The following HDAC9 variants were observed in gnomAD, a reference collection of about 807,000 sequenced individuals.
HDAC9 encodes the protein histone deacetylase 9, also known as MEF-2 interacting transcription repressor (MITR) protein.
Under a neutral mutation model 139.4 loss-of-function variants are expected in HDAC9, and 41 were observed. The observed-to-expected ratio is 0.29, with a 90% CI of 0.23 to 0.38. The LOEUF (loss-of-function observed/expected upper bound fraction) is 0.38, where lower values mean the gene tolerates loss of function less well. HDAC9 is among the 10% of genes least tolerant of loss of function. The pLI, the probability that HDAC9 is intolerant of heterozygous loss-of-function variation, is 1.00. For missense variants in HDAC9, 1,147 were observed against 1,297.0 expected (o/e 0.88, Z 1.78); for synonymous variants, 517 against 476.2 (o/e 1.09, Z -1.12).
intron 2 of HDAC9, among the ~76,000 whole-genome samples, chr7:18,574,432 G>C (rs559700857): frequency 1.3e-5 from 2 of 152,348 alleles, no homozygotes; most frequent in Admixed American, 6.5e-5. Context: ...TCCATGGACG[G>C]CCATGGGTGG....
intron 12 of HDAC9, among the ~76,000 whole-genome samples, chr7:18,722,050 T>C (rs1308709515): frequency 6.6e-6 from 1 of 152,208 alleles, no homozygotes; most frequent in Non-Finnish European, 1.5e-5. Context: ...TCTGTCAAAG[T>C]AATTACATGA....
intron 12 of HDAC9, among the ~76,000 whole-genome samples, chr7:18,682,853 C>T (rs367964102): frequency 2.6e-5 from 4 of 151,656 alleles, no homozygotes; most frequent in African/African-American, 9.7e-5. Context: ...TGGTGGTGGG[C>T]GCCTGTGATC....
intron 24 of HDAC9, among the ~76,000 whole-genome samples, chr7:18,968,097 G>A (rs1783998048): frequency 1.3e-5 from 2 of 152,122 alleles, no homozygotes; most frequent in South Asian, 4.1e-4. Flanking sequence ...GGGAGGCGGA[G>A]GATGCAGAGA....
chr7:18,578,115 A>G, intron 2 of HDAC9: 1 of 518,870 alleles, frequency 1.9e-6, no homozygotes, highest in South Asian at 1.4e-5. Flanking sequence ...CAGACCTAGC[A>G]GCTGCAGGGA....
At chr7:18,900,806 C>G (rs951992812) in intron 22 of HDAC9, among the ~76,000 whole-genome samples, 1 of 152,094 alleles carries the variant, frequency 6.6e-6, no homozygotes, top group Non-Finnish European at 1.5e-5. Flanking sequence ...AATACCACCC[C>G]TACCCTGGGA....
chr7:18,644,467 C>A (rs1403870532), intron 8 of HDAC9, among the ~76,000 whole-genome samples: 1 of 151,782 alleles, frequency 6.6e-6, no homozygotes, highest in Non-Finnish European at 1.5e-5. Flanking sequence ...AACATAGATG[C>A]CTTTTATTCA....
At chr7:18,111,472 G>C (rs573105399) in intron 1 of HDAC9, among the ~76,000 whole-genome samples, 109 of 152,280 alleles carry the variant, frequency 7.2e-4, no homozygotes, top group African/African-American at 2.5e-3. Flanking sequence ...CGGTATCTGT[G>C]GTGGATTGGT....
chr7:18,550,135 T>G (rs1376621202), intron 2 of HDAC9, among the ~76,000 whole-genome samples: 2 of 152,240 alleles, frequency 1.3e-5, no homozygotes, highest in Admixed American at 1.3e-4. Context: ...TATCTCATTC[T>G]TTATAACTCA....
chr7:18,267,394 T>C (rs1364031135), intron 2 of HDAC9, among the ~76,000 whole-genome samples: 1 of 152,134 alleles, frequency 6.6e-6, no homozygotes, highest in African/African-American at 2.4e-5. Flanking sequence ...CTTGAACTTA[T>C]TCCTCCTATC....
chr7:18,590,248 C>G, intron 3 of HDAC9, 88 bp from the exon 4 acceptor site: 1 of 1,370,508 alleles, frequency 7.3e-7, no homozygotes, highest in African/African-American at 1.5e-5. Flanking sequence ...AAACAAGTTC[C>G]AAAAGCTCAT....
chr7:18,605,828 C>T (rs1487305592), intron 6 of HDAC9, among the ~76,000 whole-genome samples: 1 of 152,038 alleles, frequency 6.6e-6, no homozygotes, highest in African/African-American at 2.4e-5. Context: ...CTACAGGCGC[C>T]CTCCACCATG....
intron 22 of HDAC9, among the ~76,000 whole-genome samples, chr7:18,878,223 C>G (rs572207052): frequency 2.0e-5 from 3 of 152,028 alleles, no homozygotes; most frequent in Non-Finnish European, 4.4e-5. Context: ...GGTTTAAATT[C>G]GTTTTGCCAC....
intron 2 of HDAC9, among the ~76,000 whole-genome samples, chr7:18,232,716 T>C (rs1295488274): frequency 6.6e-6 from 1 of 152,210 alleles, no homozygotes; most frequent in Non-Finnish European, 1.5e-5. Context: ...ATTACAATAA[T>C]GGTTTGCATG....
At chr7:18,581,004 G>A (rs1312399150) in intron 2 of HDAC9, among the ~76,000 whole-genome samples, 2 of 152,102 alleles carry the variant, frequency 1.3e-5, no homozygotes, top group Non-Finnish European at 2.9e-5. Flanking sequence ...TGCAATTAAT[G>A]TTAAAAATAG....
chr7:18,981,663 C>A (rs1341762821), intron 25 of HDAC9, among the ~76,000 whole-genome samples: 1 of 152,154 alleles, frequency 6.6e-6, no homozygotes, highest in Non-Finnish European at 1.5e-5. Context: ...TCATATCTCT[C>A]TCTGCCTTCA....
intron 11 of HDAC9, among the ~76,000 whole-genome samples, chr7:18,664,470 A>C (rs1258664633): frequency 1.3e-5 from 2 of 152,070 alleles, no homozygotes; most frequent in Non-Finnish European, 2.9e-5. Context: ...ATATATTATA[A>C]ATTGTATCAT....
intron 1 of HDAC9, among the ~76,000 whole-genome samples, chr7:18,388,995 A>G (rs1487390969): frequency 6.6e-6 from 1 of 152,206 alleles, no homozygotes; most frequent in African/African-American, 2.4e-5. Context: ...AATCAACAAT[A>G]TATAAGAACA....
Position 18,996,084 on chromosome 7 carries a change from A to G in HDAC9, c.*22A>G, listed in dbSNP as rs759718924. 78 of 1,585,426 alleles carry G rather than the reference A, an allele frequency of 4.9e-5. No homozygotes were observed. The highest frequency in any genetic ancestry group is 6.1e-5 in the Non-Finnish European group (71 of 1,160,342). ...GTGAAGTGCCAAGTCCCCCTCTGAT[A>G]TTTCCTGTGTGTGACATCATTGTGT... On this transcript the variant is annotated 3_prime_UTR_variant, in exon 26 of 26. Coordinates refer to ENST00000686413, the MANE Select transcript of HDAC9 (RefSeq NM_178425.4).
intron 1 of HDAC9, among the ~76,000 whole-genome samples, chr7:18,445,739 T>A (rs924546198): frequency 6.6e-6 from 1 of 152,244 alleles, no homozygotes; most frequent in Non-Finnish European, 1.5e-5. Flanking sequence ...AAACTTCAGC[T>A]TGCCTGAATC....
Sources: gnomAD v4.1 joint callset for allele counts (sites outside exome capture counted in the v4.1 genomes callset) on GRCh38, gnomAD v4.1.1 for gene constraint, MANE v1.5 for transcripts, NCBI Gene and HGNC (gene_info 2026-07-23, HGNC 2026-07-21) for gene names.